CELF2: variants seen among roughly 807,000 people sequenced by gnomAD.
CELF2 encodes the protein CUGBP Elav-like family member 2.
A neutral mutation model predicts 62.6 loss-of-function variants in CELF2; 8 were observed. That is an observed-to-expected ratio of 0.13 (90% CI 0.07 to 0.23). CELF2 has a LOEUF of 0.23. CELF2 is among the 10% of genes least tolerant of loss of function. The probability of loss-of-function intolerance (pLI) is 1.00; values close to 1 mark genes in which losing one functional copy is unlikely to be tolerated. For synonymous variants in CELF2, 258 were observed against 250.0 expected (o/e 1.03, Z -0.30); for missense variants, 333 against 671.0 (o/e 0.50, Z 5.56).
At chr10:11,283,958 GTGT>G in intron 8 of CELF2, among the ~76,000 whole-genome samples, 2 of 72,404 alleles carry the variant, frequency 2.8e-5, no homozygotes, top group African/African-American at 1.0e-4. Context: ...AGGGATGAGT[GTGT>G]GGTGGGTGGA....
In CELF2 at chr10:11,285,871, GTGTGTGTT is replaced by G. The variant is rs767188691; in HGVS notation, c.842-2545_842-2538del. Among the ~76,000 whole-genome samples the G allele has an allele frequency of 0.033, 2,858 of 86,832 alleles. 57 individuals carry two copies. Among genetic ancestry groups the G allele is most frequent in the African/African-American group, 0.06 (1,070 of 17,762 alleles). The allele number at this position is 86,832 out of a possible 152,430, so 57.0% of individuals were successfully genotyped here. A position where few individuals can be genotyped will look rare whatever the true frequency, so the allele number is the denominator to read the frequency against. ...TGTGTGTGTGTGTGTGTGTGTGTGT[GTGTGTGTT>G]TTTACATGGACTTGAAAATGAGTAA... On this transcript the variant is annotated intron_variant, in intron 8 of 12. Coordinates refer to ENST00000633077, the MANE Select transcript of CELF2 (RefSeq NM_001326342.2). This position sits in a 1 kb window ranked among gnomAD's most constrained non-coding sequence, Gnocchi z 4.3.
chr10:10,931,500 C>T lies in CELF2; in HGVS notation c.89+11501C>T, dbSNP rs1448767458. On this transcript the variant is annotated intron_variant, in intron 2 of 13. Transcript: ENST00000636488. This position sits in a 1 kb window ranked among gnomAD's most constrained non-coding sequence, Gnocchi z 6.1. ...CACCACAGTTATAGCATTTGAGACCCTCCCTCACCCAGATCCCAACCTGTG... is the reference window on the plus strand; with the variant it reads ...CACCACAGTTATAGCATTTGAGACCTTCCCTCACCCAGATCCCAACCTGTG... Among the ~76,000 whole-genome samples the T allele has an allele frequency of 6.6e-6, 1 of 152,146 alleles. No homozygotes were observed. Among genetic ancestry groups the T allele is most frequent in the African/African-American group, 2.4e-5 (1 of 41,400 alleles).
chr10:10,609,523 T>C, the CELF2 span, among the ~76,000 whole-genome samples: 48 of 152,226 alleles, frequency 3.2e-4, no homozygotes, highest in African/African-American at 1.0e-3. Context: ...GAGAATGTCA[T>C]GGATGGAAGC....
the CELF2 span, among the ~76,000 whole-genome samples, chr10:10,668,116 T>A: frequency 1.3e-5 from 2 of 152,184 alleles, no homozygotes; most frequent in Non-Finnish European, 2.9e-5. Context: ...GTTAAACGAA[T>A]AGCTTTCACC....
the CELF2 span, among the ~76,000 whole-genome samples, chr10:10,530,960 AT>A: frequency 6.6e-6 from 1 of 152,232 alleles, no homozygotes; most frequent in Admixed American, 6.5e-5. Context: ...AGTATTTATA[AT>A]GCAAAACAGC....
At chr10:11,027,475 GT>G (rs111824577) in intron 1 of CELF2, among the ~76,000 whole-genome samples, 1 of 151,826 alleles carries the variant, frequency 6.6e-6, no homozygotes, top group African/African-American at 2.4e-5. Context: ...GAGGCAAGTC[GT>G]TTTTTTTATC....
intron 9 of CELF2, among the ~76,000 whole-genome samples, chr10:11,310,771 T>A (rs1415096900): frequency 6.6e-6 from 1 of 151,818 alleles, no homozygotes. Context: ...AGACTTCTAT[T>A]TCTGGCAGTT....
the CELF2 span, among the ~76,000 whole-genome samples, chr10:10,470,189 C>A: frequency 1.3e-5 from 2 of 151,870 alleles, no homozygotes; most frequent in African/African-American, 4.8e-5. Context: ...ATAAAATATT[C>A]ATATTCTCTT....
chr10:10,708,364 G>A, the CELF2 span, among the ~76,000 whole-genome samples: 1 of 152,172 alleles, frequency 6.6e-6, no homozygotes, highest in Non-Finnish European at 1.5e-5. Flanking sequence ...CCACAGTGCT[G>A]AGAGACATTA....
At chr10:10,694,941 A>T in the CELF2 span, among the ~76,000 whole-genome samples, 1 of 151,272 alleles carries the variant, frequency 6.6e-6, no homozygotes, top group Admixed American at 6.6e-5. Context: ...AATACAGCAC[A>T]CTGATGGGTC....
chr10:11,004,181 A>G (rs1373065742), upstream of CELF2, among the ~76,000 whole-genome samples: 1 of 152,164 alleles, frequency 6.6e-6, no homozygotes, highest in Non-Finnish European at 1.5e-5. The surrounding 1 kb of genome is among the most constrained non-coding windows in gnomAD (Gnocchi z 5.0). Flanking sequence ...CTCCTCTATT[A>G]TTATCCCCAG....
chr10:11,000,978 T>A (rs1009505955), upstream of CELF2, among the ~76,000 whole-genome samples: 5 of 152,176 alleles, frequency 3.3e-5, no homozygotes, highest in African/African-American at 1.2e-4. Context: ...CTGCAGTTGA[T>A]AAATTGGGGT....
chr10:11,083,544 T>TTTC (rs2074595837), intron 1 of CELF2, among the ~76,000 whole-genome samples: 18 of 152,186 alleles, frequency 1.2e-4, no homozygotes, highest in Admixed American at 1.2e-3. Flanking sequence ...AAGTTTTTAC[T>TTTC]AAGGTAATGT....
At chr10:10,891,486 G>A (rs1252459760) in intron 1 of CELF2, among the ~76,000 whole-genome samples, 1 of 151,664 alleles carries the variant, frequency 6.6e-6, no homozygotes, top group Admixed American at 6.6e-5. Flanking sequence ...TGCAATACTA[G>A]ATACTTACAA....
At chr10:10,704,738 A>T in the CELF2 span, among the ~76,000 whole-genome samples, 2 of 152,182 alleles carry the variant, frequency 1.3e-5, no homozygotes, top group South Asian at 4.2e-4. Flanking sequence ...CTCCTGCGTC[A>T]TGTCTGTTCA....
At chr10:10,553,577 G>A in the CELF2 span, among the ~76,000 whole-genome samples, 12 of 152,300 alleles carry the variant, frequency 7.9e-5, no homozygotes, top group African/African-American at 2.9e-4. Flanking sequence ...AAGGGAGACA[G>A]AGTCACACAC....
the CELF2 span, among the ~76,000 whole-genome samples, chr10:10,647,839 T>C: frequency 3.9e-5 from 6 of 152,340 alleles, no homozygotes; most frequent in South Asian, 8.3e-4. Flanking sequence ...CATGGGCCTG[T>C]CATCGCAGTT....
At chr10:10,769,116 G>A in the CELF2 span, among the ~76,000 whole-genome samples, 1 of 152,264 alleles carries the variant, frequency 6.6e-6, no homozygotes, top group African/African-American at 2.4e-5. Flanking sequence ...TAGTACAACA[G>A]ATATTTATTA....
rs114408783 is a variant in CELF2, at chr10:10,875,856, A to G, written c.54-44108A>G. Among the ~76,000 whole-genome samples, 1,335 of 152,310 alleles carry G rather than the reference A, an allele frequency of 8.8e-3. 20 individuals carry two copies. The highest frequency in any genetic ancestry group is 0.03 in the African/African-American group (1,243 of 41,562). Reference sequence around the variant, plus strand: ...TTGCTGTTTGCAAGATGACTGCTCTATCAGACATAAAATGCTGCCTTTTCG... The same window carrying G: ...TTGCTGTTTGCAAGATGACTGCTCTGTCAGACATAAAATGCTGCCTTTTCG... On this transcript the variant is annotated intron_variant, in intron 1 of 13. Coordinates refer to the CELF2 transcript ENST00000636488.
Sources: gnomAD v4.1 joint callset for allele counts (sites outside exome capture counted in the v4.1 genomes callset) on GRCh38, gnomAD v4.1.1 for gene constraint, Gnocchi (gnomAD v3.1) non-coding constraint, MANE v1.5 for transcripts, NCBI Gene and HGNC (gene_info 2026-07-23, HGNC 2026-07-21) for gene names.